FIGN: variants seen among roughly 807,000 people sequenced by gnomAD.
FIGN encodes the protein fidgetin, microtubule severing factor.
In FIGN, 11 loss-of-function variants were observed where a neutral mutation model predicts 51.3. That is an observed-to-expected ratio of 0.21 (90% confidence interval 0.13 to 0.35). The LOEUF is 0.35. Ranked by LOEUF, FIGN falls within the 10% of genes least tolerant of loss-of-function variation. The pLI, the probability that FIGN is intolerant of heterozygous loss-of-function variation, is 1.00. For missense variants in FIGN, 857 were observed against 943.6 expected (o/e 0.91, Z 1.20); for synonymous variants, 407 against 363.2 (o/e 1.12, Z -1.37).
chr2:163,640,411 A>G (rs959768826), intron 2 of FIGN, among the ~76,000 whole-genome samples: 4 of 152,174 alleles, frequency 2.6e-5, no homozygotes, highest in African/African-American at 9.7e-5. Context: ...CTGCCACCGT[A>G]TCTCCTTAAT....
intron 2 of FIGN, among the ~76,000 whole-genome samples, chr2:163,664,726 T>C (rs554400731): frequency 6.6e-6 from 1 of 152,324 alleles, no homozygotes; most frequent in Admixed American, 6.5e-5. Context: ...AGTTTAACTG[T>C]TACTCCAGAT....
At position 163,630,968 on chromosome 2, in the gene FIGN, C is replaced by A. The variant is rs181943308; in HGVS notation, c.26-19162G>T. On this transcript the variant is annotated intron_variant, in intron 2 of 2. Transcript: ENST00000333129. ...CTATTATAATCTTCCTATTTCATAA[C>A]AAAAGAAATGATTAAGTGACTGAGA... Among the ~76,000 whole-genome samples the A allele has an allele frequency of 5.9e-5, 9 of 152,288 alleles. No homozygotes were observed. In the East Asian group the frequency reaches 1.7e-3, roughly 29 times the overall value.
intron 2 of FIGN, among the ~76,000 whole-genome samples, chr2:163,673,714 G>T (rs1019847728): frequency 3.3e-5 from 5 of 152,086 alleles, no homozygotes; most frequent in African/African-American, 1.2e-4. Flanking sequence ...TTGTTCTTCA[G>T]TGTATTTTCA....
At chr2:163,732,407 A>G (rs1381073871) in intron 2 of FIGN, among the ~76,000 whole-genome samples, 5 of 152,244 alleles carry the variant, frequency 3.3e-5, no homozygotes, top group Admixed American at 6.5e-5. Context: ...GGAGTAAAAG[A>G]GAGGAAGAAC....
At chr2:163,720,243 A>C (rs1166096007) in intron 2 of FIGN, among the ~76,000 whole-genome samples, 1 of 152,190 alleles carries the variant, frequency 6.6e-6, no homozygotes, top group Non-Finnish European at 1.5e-5. Context: ...CTGCAATAAA[A>C]ATTGGTATCT....
chr2:163,723,082 T>C (rs1247619684), intron 2 of FIGN, among the ~76,000 whole-genome samples: 3 of 151,746 alleles, frequency 2.0e-5, no homozygotes, highest in Admixed American at 6.6e-5. Context: ...TCCCAGCTGC[T>C]GGGGAGGCTG....
chr2:163,605,551 AAGT>A lies in FIGN; in HGVS notation c.*3998_*4000del, dbSNP rs1293498902. ...TAACAAGTTGCTTCTGAATAATGAA[AAGT>A]AGACGTCTGTTTTAAAGTTCAACTA... On this transcript the variant is annotated 3_prime_UTR_variant, in exon 3 of 3. Transcript: ENST00000333129. 1.3e-5 allele frequency: 2 copies of A among 152,094 alleles called. No individual in the cohort carries two copies. Among genetic ancestry groups the A allele is most frequent in the Non-Finnish European group, 1.5e-5 (1 of 67,996 alleles). 9.4% of individuals were successfully genotyped at this position (152,094 alleles called of 1,614,324 possible).
chr2:163,693,296 C>T (rs1381576138), intron 2 of FIGN, among the ~76,000 whole-genome samples: 1 of 151,858 alleles, frequency 6.6e-6, no homozygotes, highest in African/African-American at 2.4e-5. Context: ...TAAGGGATAG[C>T]TAAAACGACC....
chr2:163,631,743 A>C lies in FIGN; in HGVS notation c.26-19937T>G, dbSNP rs533920624. 3.3e-5 allele frequency among the ~76,000 whole-genome samples: 5 copies of C among 152,330 alleles called. No individual in the cohort carries two copies. The East Asian group carries it at 9.6e-4, about 29-fold the overall frequency. ...TGAGACCAGGAATCCATATCATTAG[A>C]ACAGGGAAGGTAATTTATTTTGTTC... On this transcript the variant is annotated intron_variant, in intron 2 of 2. Coordinates refer to ENST00000333129, the MANE Select transcript of FIGN (RefSeq NM_018086.4).
In FIGN at chr2:163,611,708, A is replaced by C. The variant is rs752019959; in HGVS notation, c.124T>G (p.Tyr42Asp). Reference sequence around the variant, plus strand: ...TAGGTGCGCTGCAGATGACCTCTGTAGGCTTCAACTTTGTGGGCAGGAGAC... The same window carrying C: ...TAGGTGCGCTGCAGATGACCTCTGTCGGCTTCAACTTTGTGGGCAGGAGAC... ...TRSPAHKVEAYRGHLQRTYQY... is the reference protein window; with the variant it reads ...TRSPAHKVEADRGHLQRTYQY... The change falls in exon 3 of 3, where the codon TAC (tyrosine) becomes GAC (aspartate). Residue 42 changes from tyrosine (Y) to aspartate (D), a missense_variant. Tyr to Asp is a radical substitution (Grantham distance 160, BLOSUM62 -3). Coordinates refer to ENST00000333129, the MANE Select transcript of FIGN (RefSeq NM_018086.4). The C allele has an allele frequency of 1.2e-6, 2 of 1,614,188 alleles. No individual in the cohort carries two copies. Among genetic ancestry groups the C allele is most frequent in the Non-Finnish European group, 1.7e-6 (2 of 1,180,014 alleles).
In FIGN at chr2:163,734,899, A is replaced by G; in HGVS notation, c.25+4T>C. 1.9e-6 allele frequency: 3 copies of G among 1,607,022 alleles called. No homozygotes were observed. Among genetic ancestry groups the G allele is most frequent in the Non-Finnish European group, 1.7e-6 (2 of 1,177,334 alleles). Reference sequence around the variant, plus strand: ...AAAGGAAGTAAATTCCAAAACTGACATACCATAAACACTGGTGCTACTGAT... The same window carrying G: ...AAAGGAAGTAAATTCCAAAACTGACGTACCATAAACACTGGTGCTACTGAT... On this transcript the variant is annotated splice_donor_region_variant and intron_variant, in intron 2 of 2. Coordinates refer to ENST00000333129, the MANE Select transcript of FIGN (RefSeq NM_018086.4).
chr2:163,713,729 C>T (rs937382418), intron 2 of FIGN, among the ~76,000 whole-genome samples: 4 of 152,056 alleles, frequency 2.6e-5, no homozygotes, highest in South Asian at 2.1e-4. Flanking sequence ...CTGATGAGGA[C>T]CAGTGGACCA....
chr2:163,655,804 CAGAG>C lies in FIGN; in HGVS notation c.26-44002_26-43999del, dbSNP rs3058760. 4.2e-3 allele frequency among the ~76,000 whole-genome samples: 613 copies of C among 145,742 alleles called. 2 individuals are homozygous for C. Among genetic ancestry groups the C allele is most frequent in the African/African-American group, 0.011 (417 of 39,468 alleles). On this transcript the variant is annotated intron_variant, in intron 2 of 2. Coordinates refer to ENST00000333129, the MANE Select transcript of FIGN (RefSeq NM_018086.4). ...ACACACGCACACACACACACACACACAGAGAGAGAGAGAGAGAGAGAGAGCTCTA... is the reference window on the plus strand; with the variant it reads ...ACACACGCACACACACACACACACACAGAGAGAGAGAGAGAGAGAGCTCTA...
At chr2:163,620,850 T>TG (rs1682956784) in intron 2 of FIGN, among the ~76,000 whole-genome samples, 1 of 92,622 alleles carries the variant, frequency 1.1e-5, no homozygotes, top group Non-Finnish European at 2.2e-5. Flanking sequence ...TGTGTAAATA[T>TG]TTGTGTGTGT....
In FIGN at chr2:163,730,430, G is replaced by T. The variant is rs549316451; in HGVS notation, c.25+4473C>A. On this transcript the variant is annotated intron_variant, in intron 2 of 2. Transcript: ENST00000333129. ...CACTTGCTAAACTGGCCATTTATTT[G>T]CAGTGTGTCAAAAAAATTCTTTCAT... Among the ~76,000 whole-genome samples the T allele has an allele frequency of 1.2e-4, 19 of 152,038 alleles. No homozygotes were observed. The East Asian group carries it at 2.7e-3, about 22-fold the overall frequency.
Position 163,617,097 on chromosome 2 carries a change from A to G in FIGN, c.26-5291T>C, listed in dbSNP as rs1041224261. The G allele has an allele frequency of 4.1e-6, 4 of 985,036 alleles. No individual in the cohort carries two copies. In the African/African-American group the frequency reaches 7.0e-5, roughly 17 times the overall value. The allele number at this position is 985,036 out of a possible 1,614,324, so 61.0% of individuals were successfully genotyped here. A position where few individuals can be genotyped will look rare whatever the true frequency, so the allele number is the denominator to read the frequency against. ...CCAAGAGGCCAACACAGCATTATCT[A>G]GTATTACTAGTACTAACTCATTTGA... is the stretch of plus-strand genomic sequence containing the variant. On this transcript the variant is annotated intron_variant, in intron 2 of 2. Transcript: ENST00000333129.
chr2:163,641,186 T>A (rs1683300795), intron 2 of FIGN, among the ~76,000 whole-genome samples: 1 of 152,220 alleles, frequency 6.6e-6, no homozygotes. Flanking sequence ...GCTTATGCAA[T>A]GCATGTTAAT....
chr2:163,612,767 TATTA>T, intron 2 of FIGN, among the ~76,000 whole-genome samples: 1 of 140,464 alleles, frequency 7.1e-6, no homozygotes, highest in East Asian at 2.2e-4. Flanking sequence ...TATATATATA[TATTA>T]TATATGAGAG....
At chr2:163,723,075 C>T (rs1424995720) in intron 2 of FIGN, among the ~76,000 whole-genome samples, 1 of 151,896 alleles carries the variant, frequency 6.6e-6, no homozygotes, top group African/African-American at 2.4e-5. Flanking sequence ...CCTGTAGTCC[C>T]AGCTGCTGGG....
Sources: allele counts gnomAD v4.1 joint callset (sites outside exome capture counted in the v4.1 genomes callset), GRCh38; gene constraint gnomAD v4.1.1; transcripts MANE v1.5; gene names NCBI Gene and HGNC (gene_info 2026-07-23, HGNC 2026-07-21).